The following RAD51B variants were observed in gnomAD, a reference collection of about 807,000 sequenced individuals.
RAD51B encodes the protein DNA repair protein RAD51 homolog 2.
RAD51B carries 38 observed loss-of-function variants against 42.2 expected under a neutral mutation model. The ratio of observed to expected loss-of-function variants is 0.90; its 90% CI spans 0.70 to 1.18. RAD51B has a LOEUF of 1.18. Ranked by LOEUF, RAD51B falls within the 50% of genes most tolerant of loss-of-function variation. RAD51B has a pLI of 0.00. For synonymous variants in RAD51B, 154 were observed against 145.2 expected, an observed-to-expected ratio of 1.06 and a Z score of -0.43; for missense variants, 373 against 400.7, an observed-to-expected ratio of 0.93 and a Z score of 0.59.
At chr14:68,120,818 C>T (rs1413329346) in intron 7 of RAD51B, among the ~76,000 whole-genome samples, 1 of 152,162 alleles carries the variant, frequency 6.6e-6, no homozygotes, top group African/African-American at 2.4e-5. Context: ...TAAGGATTGG[C>T]AACTGCTCTC....
At chr14:68,016,849 G>A (rs895814279) in intron 7 of RAD51B, among the ~76,000 whole-genome samples, 20 of 152,276 alleles carry the variant, frequency 1.3e-4, no homozygotes, top group Admixed American at 1.1e-3. Flanking sequence ...TCACTGGAAT[G>A]TTTTCTGGAA....
chr14:67,930,752 T>C (rs796645966), intron 7 of RAD51B, among the ~76,000 whole-genome samples: 22 of 152,330 alleles, frequency 1.4e-4, no homozygotes, highest in African/African-American at 5.3e-4. Context: ...TTTCATCTAG[T>C]ATTTCATTAA....
intron 9 of RAD51B, among the ~76,000 whole-genome samples, chr14:68,456,256 T>A (rs113423386): frequency 0.16 from 23,957 of 152,126 alleles, 2,492 homozygotes; most frequent in Non-Finnish European, 0.23. Flanking sequence ...TAAACGTGAG[T>A]TGATTAATGC....
At chr14:68,505,623 T>C (rs1246098786) in intron 10 of RAD51B, among the ~76,000 whole-genome samples, 1 of 148,160 alleles carries the variant, frequency 6.7e-6, no homozygotes. Context: ...TGATCTCGGC[T>C]CACTGCAACC....
intron 10 of RAD51B, among the ~76,000 whole-genome samples, chr14:68,483,690 AAGAG>A (rs1424603908): frequency 6.6e-6 from 1 of 152,248 alleles, no homozygotes; most frequent in East Asian, 1.9e-4. Context: ...CTCTCCCTGC[AAGAG>A]AGAGAAACTT....
chr14:68,202,375 GT>G (rs2079504038), intron 7 of RAD51B, among the ~76,000 whole-genome samples: 1 of 152,024 alleles, frequency 6.6e-6, no homozygotes, highest in Non-Finnish European at 1.5e-5. Flanking sequence ...ATGTCATAAT[GT>G]TTGATAACAC....
At chr14:67,892,363 CAACTT>C (rs2043245359) in intron 7 of RAD51B, among the ~76,000 whole-genome samples, 1 of 152,150 alleles carries the variant, frequency 6.6e-6, no homozygotes, top group Non-Finnish European at 1.5e-5. Flanking sequence ...AACCTAGAAA[CAACTT>C]AAAAGTTAGT....
intron 10 of RAD51B, among the ~76,000 whole-genome samples, chr14:68,471,785 T>G (rs1280732778): frequency 6.6e-6 from 1 of 151,850 alleles, no homozygotes; most frequent in Non-Finnish European, 1.5e-5. Flanking sequence ...ATTAACATGG[T>G]AATACCATCC....
chr14:68,415,286 CT>C (rs1470027616), intron 9 of RAD51B, among the ~76,000 whole-genome samples: 1 of 152,050 alleles, frequency 6.6e-6, no homozygotes, highest in African/African-American at 2.4e-5. Flanking sequence ...AGGGGAGGTG[CT>C]GGGGTAGAGT....
chr14:68,050,275 T>A (rs1366624557), intron 7 of RAD51B, among the ~76,000 whole-genome samples: 1 of 151,880 alleles, frequency 6.6e-6, no homozygotes, highest in Non-Finnish European at 1.5e-5. Context: ...TCTTTTTTCT[T>A]TTCTTTTCTT....
In RAD51B at chr14:68,198,155, T is replaced by C. The variant is rs1028034731; in HGVS notation, c.757-93729T>C. 2.1e-4 allele frequency among the ~76,000 whole-genome samples: 32 copies of C among 152,144 alleles called. 1 individual carries two copies. Among genetic ancestry groups the C allele is most frequent in the Admixed American group, 1.2e-3 (18 of 15,272 alleles). On this transcript the variant is annotated intron_variant, in intron 7 of 10. Transcript: ENST00000471583. ...AGGTAGCTATCAAGGTTCATTTTTT[T>C]CCCATATATTTTTCCAGCGTTCTCT... is the stretch of plus-strand genomic sequence containing the variant.
intron 7 of RAD51B, among the ~76,000 whole-genome samples, chr14:67,919,552 C>G (rs1215404978): frequency 6.6e-6 from 1 of 152,182 alleles, no homozygotes; most frequent in Non-Finnish European, 1.5e-5. Context: ...CTCTGGAAGT[C>G]TGGGACTGCT....
intron 11 of RAD51B, among the ~76,000 whole-genome samples, chr14:68,682,181 T>C (rs916229835): frequency 6.6e-6 from 1 of 152,170 alleles, no homozygotes; most frequent in Non-Finnish European, 1.5e-5. Flanking sequence ...CTACAGATAT[T>C]AAATTACTTG....
chr14:68,515,778 C>CTTTTTTTTTTTTTTTTTT (rs546071661), intron 10 of RAD51B, among the ~76,000 whole-genome samples: 1 of 113,422 alleles, frequency 8.8e-6, no homozygotes, highest in African/African-American at 3.4e-5. Context: ...CTTTTCTTTT[C>CTTTTTTTTTTTTTTTTTT]TTTTTTTTTT....
At chr14:68,659,539 A>T (rs986810790) in intron 11 of RAD51B, among the ~76,000 whole-genome samples, 1 of 152,232 alleles carries the variant, frequency 6.6e-6, no homozygotes, top group African/African-American at 2.4e-5. Context: ...GGGCCTGCAG[A>T]GGGCAGGAAA....
intron 10 of RAD51B, among the ~76,000 whole-genome samples, chr14:68,542,542 C>T (rs1888023342): frequency 6.6e-6 from 1 of 152,152 alleles, no homozygotes; most frequent in Non-Finnish European, 1.5e-5. Context: ...GGAGTGAGGA[C>T]TGAGGACACC....
At chr14:68,642,209 C>T (rs1404847022) in intron 10 of RAD51B, among the ~76,000 whole-genome samples, 5 of 152,164 alleles carry the variant, frequency 3.3e-5, no homozygotes, top group African/African-American at 2.4e-5. Context: ...TTTAATAAAA[C>T]TCACCAATGA....
At chr14:68,236,877 C>T (rs2080269714) in intron 7 of RAD51B, among the ~76,000 whole-genome samples, 1 of 152,190 alleles carries the variant, frequency 6.6e-6, no homozygotes, top group Admixed American at 6.5e-5. Flanking sequence ...CAGACATCCA[C>T]ACAAAGGAGT....
At chr14:68,183,352 G>A (rs541827607) in intron 7 of RAD51B, among the ~76,000 whole-genome samples, 8 of 103,220 alleles carry the variant, frequency 7.8e-5, no homozygotes, top group Non-Finnish European at 1.4e-4. Context: ...GAAGCATCCA[G>A]CACAGGAGAA....
Sources: gnomAD v4.1 joint callset for allele counts (sites outside exome capture counted in the v4.1 genomes callset) on GRCh38, gnomAD v4.1.1 for gene constraint, MANE v1.5 for transcripts, NCBI Gene and HGNC (gene_info 2026-07-23, HGNC 2026-07-21) for gene names.